The following YJEFN3 variants were observed in gnomAD, a reference collection of about 807,000 sequenced individuals.
YJEFN3 encodes the protein yjeF N-terminal domain-containing protein 3.
Under a neutral mutation model 31.5 loss-of-function variants are expected in YJEFN3, and 29 were observed. The ratio of observed to expected loss-of-function variants is 0.92; its 90% CI spans 0.69 to 1.26. The LOEUF (loss-of-function observed/expected upper bound fraction) is 1.26. Ranked by LOEUF, YJEFN3 falls within the 50% of genes most tolerant of loss-of-function variation. YJEFN3 has a pLI of 0.00. For synonymous variants in YJEFN3, 227 were observed against 196.1 expected (o/e 1.16, Z -1.32); for missense variants, 442 against 425.4 (o/e 1.04, Z -0.34).
chr19:19,534,240 C>A lies in YJEFN3; in HGVS notation c.319-794C>A. ...GATAACAGAGAGATACAGAGACAGC[C>A]AGAGACAAATGGAGAGAGAGACAAA... On this transcript the variant is annotated intron_variant, in intron 3 of 6. Coordinates refer to ENST00000514277, the MANE Select transcript of YJEFN3 (RefSeq NM_198537.4). This position sits in a 1 kb window ranked among gnomAD's most constrained non-coding sequence, Gnocchi z 4.6. 2.2e-6 allele frequency: 2 copies of A among 890,350 alleles called. No individual in the cohort carries two copies. The highest frequency in any genetic ancestry group is 1.3e-6 in the Non-Finnish European group (1 of 744,554). The allele number at this position is 890,350 out of a possible 1,614,324, so 55.2% of individuals were successfully genotyped here. A position where few individuals can be genotyped will look rare whatever the true frequency, so the allele number is the denominator to read the frequency against.
At chr19:19,532,541 C>A in intron 2 of YJEFN3, 91 bp from the exon 3 acceptor site, 1 of 880,546 alleles carries the variant, frequency 1.1e-6, no homozygotes, top group Non-Finnish European at 1.7e-6. Flanking sequence ...GGCATTGGGA[C>A]CGGGTTCAGA....
In YJEFN3 at chr19:19,537,477, C is replaced by T; in HGVS notation, c.853C>T (p.Leu285=). Residue 285 remains leucine (L), a synonymous_variant, in exon 7 of 7, where the codon CTG becomes TTG. Transcript: ENST00000514277. ...CGATGACGTGCGCCGCAAGTTCGCT[C>T]TGCGCCTGCCGGGATACACGGGCAC... ...VPDDVRRKFA[L]RLPGYTGTDC... is the part of the protein sequence containing the mutation. 1 of 1,583,736 alleles carries T rather than the reference C, an allele frequency of 6.3e-7. No homozygotes were observed. The highest frequency in any genetic ancestry group is 8.5e-7 in the Non-Finnish European group (1 of 1,170,636).
chr19:19,529,350 T>C lies in YJEFN3; in HGVS notation c.60-14T>C, dbSNP rs749522881. 7 of 1,592,512 alleles carry C rather than the reference T, an allele frequency of 4.4e-6. No homozygotes were observed. Among genetic ancestry groups the C allele is most frequent in the Non-Finnish European group, 5.1e-6 (6 of 1,168,134 alleles). ...CCCCAACCGTGGCCCACCCCCACTC[T>C]CCATCTCTCCCAGGGCCTTGGAGCT... On this transcript the variant is annotated splice_polypyrimidine_tract_variant and intron_variant, in intron 1 of 6. Coordinates refer to ENST00000514277, the MANE Select transcript of YJEFN3 (RefSeq NM_198537.4).
intron 3 of YJEFN3, chr19:19,533,289 G>A: frequency 1.8e-5 from 18 of 985,964 alleles, no homozygotes; most frequent in Non-Finnish European, 2.2e-5. Context: ...AGCCAGCAGT[G>A]CTGGGCATCA....
chr19:19,532,281 C>T (rs2061163916), intron 2 of YJEFN3, among the ~76,000 whole-genome samples: 1 of 152,262 alleles, frequency 6.6e-6, no homozygotes, highest in African/African-American at 2.4e-5. Flanking sequence ...GCTCCATTCC[C>T]CTTTCTTGGT....
chr19:19,529,053 T>C (rs2061127232), intron 1 of YJEFN3, 62 bp downstream of exon 1: 1 of 1,541,750 alleles, frequency 6.5e-7, no homozygotes, highest in East Asian at 2.5e-5. Flanking sequence ...GAGCAGCCCG[T>C]AGGACCGGAG....
In YJEFN3 at chr19:19,535,586, G is replaced by A. The variant is rs779191648; in HGVS notation, c.601G>A (p.Val201Met). 1.8e-5 allele frequency: 29 copies of A among 1,581,526 alleles called. No individual in the cohort carries two copies. In the South Asian group the frequency reaches 2.9e-4, roughly 16 times the overall value. Residue 201 changes from valine (V) to methionine (M), a missense_variant, in exon 6 of 7, where the codon GTG becomes ATG. By Grantham distance (21) the Val-to-Met change is conservative (BLOSUM62 1). Transcript: ENST00000514277. The part of the protein sequence containing the change: ...LVVDAVLGPG[V>M]EPGEVGGPCT... ...GGTGGATGCCGTACTGGGCCCCGGC[G>A]TGGAGCCGGGCGAGGTCGGGGGCCC...
chr19:19,534,624 A>G lies in YJEFN3; in HGVS notation c.319-410A>G. The G allele has an allele frequency of 6.2e-6, 1 of 160,698 alleles. No individual in the cohort carries two copies. Among genetic ancestry groups the G allele is most frequent in the Admixed American group, 6.4e-5 (1 of 15,686 alleles). The allele number at this position is 160,698 out of a possible 1,614,324, so 10.0% of individuals were successfully genotyped here. A position where few individuals can be genotyped will look rare whatever the true frequency, so the allele number is the denominator to read the frequency against. On this transcript the variant is annotated intron_variant, in intron 3 of 6. Coordinates refer to ENST00000514277, the MANE Select transcript of YJEFN3 (RefSeq NM_198537.4). The surrounding 1 kb of genome is among the most constrained non-coding windows in gnomAD (Gnocchi z 4.6). ...CAGAGACAGCCAGAGAGAGACAGAGAGGCCCCAGGGCATCGTGGCTAAGGT... is the reference window on the plus strand; with the variant it reads ...CAGAGACAGCCAGAGAGAGACAGAGGGGCCCCAGGGCATCGTGGCTAAGGT...
At chr19:19,536,914 G>A (rs1315845664) in intron 6 of YJEFN3, among the ~76,000 whole-genome samples, 1 of 152,204 alleles carries the variant, frequency 6.6e-6, no homozygotes, top group Non-Finnish European at 1.5e-5. Flanking sequence ...AGGTTGCAGT[G>A]AGCCGAGATT....
chr19:19,530,880 G>A (rs528165425), intron 2 of YJEFN3, among the ~76,000 whole-genome samples: 1 of 152,278 alleles, frequency 6.6e-6, no homozygotes, highest in Admixed American at 6.5e-5. Context: ...GTCTTTATGT[G>A]TGGACCCCCG....
chr19:19,533,261 TG>T, intron 3 of YJEFN3: 1 of 986,902 alleles, frequency 1.0e-6, no homozygotes, highest in Non-Finnish European at 1.2e-6. Context: ...AATCATACTA[TG>T]GAGTGCTTCA....
chr19:19,537,494 C>T lies in YJEFN3; in HGVS notation c.870C>T (p.Tyr290=). ...RRKFALRLPG[Y]TGTDCVAAL ...AGTTCGCTCTGCGCCTGCCGGGATA[C>T]ACGGGCACCGACTGCGTCGCGGCAC... Residue 290 remains tyrosine, a synonymous_variant, in exon 7 of 7, where the codon TAC becomes TAT. Coordinates refer to ENST00000514277, the MANE Select transcript of YJEFN3 (RefSeq NM_198537.4). The T allele has an allele frequency of 1.9e-6, 3 of 1,573,562 alleles. No homozygotes were observed. The highest frequency in any genetic ancestry group is 2.6e-6 in the Non-Finnish European group (3 of 1,162,706).
rs768569722 is a variant in YJEFN3, at chr19:19,528,980, G to T, written c.48G>T (p.Arg16=). Residue 16 remains arginine, a synonymous_variant, in exon 1 of 7, where the codon CGG becomes CGT. Transcript: ENST00000514277. ...GPDPSEAPEE[R]HFLRALELQP... Reference sequence around the variant, plus strand: ...ACCCGTCGGAGGCGCCCGAAGAGCGGCATTTCCTCAGGTCAGCTGGGGAGA... The same window carrying T: ...ACCCGTCGGAGGCGCCCGAAGAGCGTCATTTCCTCAGGTCAGCTGGGGAGA... 6.4e-7 allele frequency: 1 copy of T among 1,550,624 alleles called. No individual in the cohort carries two copies. The highest frequency in any genetic ancestry group is 1.2e-5 in the South Asian group (1 of 84,010).
At chr19:19,530,659 C>G (rs1272687693) in intron 2 of YJEFN3, among the ~76,000 whole-genome samples, 7 of 152,174 alleles carry the variant, frequency 4.6e-5, no homozygotes, top group Non-Finnish European at 1.5e-5. Context: ...TTCCTCACCC[C>G]GAATGCAAAC....
Position 19,535,585 on chromosome 19 carries a change from C to T in YJEFN3, c.600C>T (p.Gly200=), listed in dbSNP as rs755247119. ...GLVVDAVLGP[G]VEPGEVGGPC... is the part of the protein sequence containing the mutation. ...TGGTGGATGCCGTACTGGGCCCCGG[C>T]GTGGAGCCGGGCGAGGTCGGGGGCC... Residue 200 remains glycine, a synonymous_variant, in exon 6 of 7, where the codon GGC becomes GGT. Coordinates refer to ENST00000514277, the MANE Select transcript of YJEFN3 (RefSeq NM_198537.4). 17 of 1,581,242 alleles carry T rather than the reference C, an allele frequency of 1.1e-5. No individual in the cohort carries two copies. Among genetic ancestry groups the T allele is most frequent in the Middle Eastern group, 3.4e-4 (2 of 5,908 alleles).
Position 19,529,445 on chromosome 19 carries a change from G to T in YJEFN3, c.141G>T (p.Arg47Ser). ...SSNATTSLVQ[R>S]RKQAWGRQSW... ...ATGCTACCACCTCCCTTGTCCAGAG[G>T]AGGAAACAGGCCTGGGGAAGGCAGT... The change falls in exon 2 of 7, where the codon AGG becomes AGT. Residue 47 changes from arginine (R) to serine (S), a missense_variant. Physicochemically the swap from Arg to Ser is moderately radical, Grantham distance 110. Coordinates refer to ENST00000514277, the MANE Select transcript of YJEFN3 (RefSeq NM_198537.4). The T allele has an allele frequency of 6.2e-7, 1 of 1,614,204 alleles. No homozygotes were observed. The highest frequency in any genetic ancestry group is 1.1e-5 in the South Asian group (1 of 91,092).
intron 4 of YJEFN3, 27 bp from the exon 5 acceptor site, chr19:19,535,310 T>G (rs1388627620): frequency 6.2e-7 from 1 of 1,601,486 alleles, no homozygotes; most frequent in Non-Finnish European, 8.5e-7. Flanking sequence ...GTCAGGGGAG[T>G]CTGACCCCCT....
chr19:19,529,315 C>A (rs759335810), intron 1 of YJEFN3, 49 bp from the exon 2 acceptor site: 16 of 1,567,902 alleles, frequency 1.0e-5, no homozygotes, highest in Admixed American at 1.8e-5. Context: ...CTGGTCGCTC[C>A]CCCACCGAAC....
intron 1 of YJEFN3, 123 bp from the exon 2 acceptor site, chr19:19,529,241 G>A (rs1337344272): frequency 8.3e-6 from 12 of 1,453,410 alleles, no homozygotes; most frequent in Non-Finnish European, 1.1e-5. Context: ...GAGACACTAA[G>A]CTGCGTTGCT....
Sources: allele counts gnomAD v4.1 joint callset (sites outside exome capture counted in the v4.1 genomes callset), GRCh38; gene constraint gnomAD v4.1.1; non-coding constraint Gnocchi (gnomAD v3.1); transcripts MANE v1.5; gene names NCBI Gene and HGNC (gene_info 2026-07-23, HGNC 2026-07-21).